Variants in UBXN11 observed in about 807,000 individuals in gnomAD.
UBXN11 encodes the protein UBX domain protein 11.
A neutral mutation model predicts 62.8 loss-of-function variants in UBXN11; 47 were observed. The observed-to-expected ratio is 0.75, with a 90% CI of 0.59 to 0.95. The LOEUF is 0.95. Ranked by LOEUF, UBXN11 falls within the 40% of genes least tolerant of loss-of-function variation. The pLI is 0.00. For missense variants in UBXN11, 638 were observed against 661.7 expected (o/e 0.96, Z 0.39); for synonymous variants, 294 against 267.0 (o/e 1.10, Z -0.99).
chr1:26,292,667 A>G (rs1245610185), intron 8 of UBXN11, among the ~76,000 whole-genome samples: 4 of 152,152 alleles, frequency 2.6e-5, no homozygotes, highest in African/African-American at 9.7e-5. Context: ...CAGCCTGACC[A>G]ACATGGCGAA....
intron 8 of UBXN11, among the ~76,000 whole-genome samples, chr1:26,293,201 A>G (rs1220661633): frequency 6.6e-6 from 1 of 152,172 alleles, no homozygotes; most frequent in Non-Finnish European, 1.5e-5. Context: ...TTTGTTGATG[A>G]AGTGAATAGA....
intron 8 of UBXN11, among the ~76,000 whole-genome samples, chr1:26,293,871 A>T (rs1172280902): frequency 1.3e-4 from 19 of 151,820 alleles, no homozygotes; most frequent in Admixed American, 2.6e-4. Context: ...GCCTTTTTTT[A>T]AAACGGCAAC....
Position 26,282,382 on chromosome 1 carries a change from T to TGGGGCCGGGACC in UBXN11, c.1468_1479dup (p.Gly490_Pro493dup). The TGGGGCCGGGACC allele has an allele frequency of 3.0e-6, 1 of 334,362 alleles. No homozygotes were observed. Among genetic ancestry groups the TGGGGCCGGGACC allele is most frequent in the East Asian group, 6.5e-5 (1 of 15,300 alleles). 20.7% of individuals were successfully genotyped at this position (334,362 alleles called of 1,614,324 possible). On this transcript the variant is annotated inframe_insertion, in exon 15 of 15. Transcript: ENST00000374222. Reference sequence around the variant, plus strand: ...CTGGGGCCGGGACCGGGACCGGGACTGGGGCCGGGACCGGGACCGGGACAG... The same window carrying TGGGGCCGGGACC: ...CTGGGGCCGGGACCGGGACCGGGACTGGGGCCGGGACCGGGGCCGGGACCGGGACCGGGACAG...
Position 26,285,487 on chromosome 1 carries a change from A to G in UBXN11, c.829T>C (p.Tyr277His), listed in dbSNP as rs1357249375. The G allele has an allele frequency of 3.1e-6, 5 of 1,607,102 alleles. No individual in the cohort carries two copies. Among genetic ancestry groups the G allele is most frequent in the Non-Finnish European group, 4.3e-6 (5 of 1,175,378 alleles). ...ACCTTAAAGGGGACCCCATTGGGGTACAGTCGCTGGAGCTCTGAGGGAAAG... is the reference window on the plus strand; with the variant it reads ...ACCTTAAAGGGGACCCCATTGGGGTGCAGTCGCTGGAGCTCTGAGGGAAAG... ...GFFPSELQRLYPNGVPFKVSD... is the reference protein window; with the variant it reads ...GFFPSELQRLHPNGVPFKVSD... Residue 277 changes from tyrosine (Y) to histidine (H), a missense_variant, in exon 10 of 15, where the codon TAC becomes CAC. Coordinates refer to ENST00000374222, the MANE Select transcript of UBXN11 (RefSeq NM_001389556.1).
At chr1:26,299,198 G>A (rs2073467451) in intron 4 of UBXN11, among the ~76,000 whole-genome samples, 1 of 152,110 alleles carries the variant, frequency 6.6e-6, no homozygotes, top group African/African-American at 2.4e-5. Flanking sequence ...GGAGAATCCA[G>A]GCCAGAGGAA....
chr1:26,286,671 C>G (rs138849885), intron 8 of UBXN11, among the ~76,000 whole-genome samples: 1 of 111,108 alleles, frequency 9.0e-6, no homozygotes, highest in South Asian at 3.2e-4. Flanking sequence ...ATGGTCCTTA[C>G]GCCAACCCTG....
chr1:26,286,462 A>T (rs2073136621), intron 8 of UBXN11, among the ~76,000 whole-genome samples: 1 of 152,200 alleles, frequency 6.6e-6, no homozygotes. Context: ...TCTGGGTTCA[A>T]ATCCCAGTTC....
At chr1:26,282,812 GC>G in intron 13 of UBXN11, 23 bp from the exon 14 acceptor site, 1 of 1,614,100 alleles carries the variant, frequency 6.2e-7, no homozygotes, top group Non-Finnish European at 8.5e-7. Context: ...GAGGCCATCA[GC>G]ACGCGGTGAC....
At chr1:26,286,141 C>A in intron 8 of UBXN11, 104 bp from the exon 9 acceptor site, 1 of 1,032,142 alleles carries the variant, frequency 9.7e-7, no homozygotes, top group Non-Finnish European at 1.4e-6. Flanking sequence ...GTCTTAATGT[C>A]TCCTTAACTG....
intron 4 of UBXN11, 150 bp downstream of exon 4, chr1:26,300,776 G>T: frequency 1.5e-6 from 2 of 1,364,472 alleles, no homozygotes; most frequent in Non-Finnish European, 2.0e-6. Context: ...TTTATGCCAA[G>T]CCAGGTCCCT....
At chr1:26,317,912 TC>T in intron 1 of UBXN11, 1 of 965,652 alleles carries the variant, frequency 1.0e-6, no homozygotes, top group Non-Finnish European at 1.7e-6. Context: ...TCACCCCGCC[TC>T]CTCTGCCTCC....
At chr1:26,306,558 C>T (rs1329335547) in intron 1 of UBXN11, 34 bp downstream of exon 1, 1 of 152,204 alleles carries the variant, frequency 6.6e-6, no homozygotes, top group East Asian at 1.9e-4. Context: ...TGCGTGGGGA[C>T]TCCAGGGGCA....
At chr1:26,295,834 T>TGCCCC (rs1335940488) in intron 7 of UBXN11, among the ~76,000 whole-genome samples, 2 of 152,256 alleles carry the variant, frequency 1.3e-5, no homozygotes, top group African/African-American at 4.8e-5. Context: ...GGTCATGCTC[T>TGCCCC]GCCCCAGGCC....
intron 1 of UBXN11, among the ~76,000 whole-genome samples, chr1:26,313,400 A>G (rs1204822194): frequency 6.6e-6 from 1 of 152,144 alleles, no homozygotes; most frequent in African/African-American, 2.4e-5. Flanking sequence ...CCACTGACCT[A>G]GAATATATCC....
chr1:26,302,290 G>A (rs1482635599), intron 2 of UBXN11, among the ~76,000 whole-genome samples: 1 of 147,546 alleles, frequency 6.8e-6, no homozygotes, highest in East Asian at 2.0e-4. Context: ...AACTCAGGAG[G>A]CACAGGTTGC....
At chr1:26,295,781 A>G (rs1043027034) in intron 7 of UBXN11, among the ~76,000 whole-genome samples, 5 of 152,082 alleles carry the variant, frequency 3.3e-5, no homozygotes, top group African/African-American at 1.2e-4. Context: ...TCCCCTCCCC[A>G]CAGACTGGCA....
At chr1:26,318,198 A>G in exon 1 of UBXN11, 1 of 807,520 alleles carries the variant, frequency 1.2e-6, no homozygotes, top group Non-Finnish European at 2.1e-6. Context: ...ATGGACTCCA[A>G]CAGGAAAACT....
At chr1:26,309,552 T>TA (rs150396119), upstream of UBXN11, among the ~76,000 whole-genome samples, 7 of 152,064 alleles carry the variant, frequency 4.6e-5, no homozygotes, top group East Asian at 1.9e-4. Context: ...TGATTTTTTT[T>TA]AAAAAAATAA....
At chr1:26,303,322 G>C (rs981149439) in intron 1 of UBXN11, among the ~76,000 whole-genome samples, 10 of 152,026 alleles carry the variant, frequency 6.6e-5, no homozygotes, top group African/African-American at 2.4e-4. Context: ...CCAGAAACCA[G>C]GTGCCACTCC....
Sources: gnomAD v4.1 joint callset for allele counts (sites outside exome capture counted in the v4.1 genomes callset) on GRCh38, gnomAD v4.1.1 for gene constraint, MANE v1.5 for transcripts, NCBI Gene and HGNC (gene_info 2026-07-23, HGNC 2026-07-21) for gene names.